The following SULF2 variants were observed in gnomAD, a reference collection of about 807,000 sequenced individuals.
SULF2 encodes sulfatase 2, also known as extracellular sulfatase Sulf-2.
A neutral mutation model predicts 107.7 loss-of-function variants in SULF2; 52 were observed. The observed-to-expected ratio is 0.48, with a 90% CI of 0.39 to 0.61. The LOEUF (loss-of-function observed/expected upper bound fraction) is 0.61. Ranked by LOEUF, SULF2 falls within the 20% of genes least tolerant of loss-of-function variation. The pLI, the probability that SULF2 is intolerant of heterozygous loss-of-function variation, is 0.00. For synonymous variants in SULF2, 460 were observed against 464.3 expected (o/e 0.99, Z 0.12); for missense variants, 993 against 1,177.3 (o/e 0.84, Z 2.29).
intron 10 of SULF2, among the ~76,000 whole-genome samples, chr20:47,672,855 T>C (rs1306662191): frequency 1.3e-5 from 2 of 152,196 alleles, no homozygotes; most frequent in South Asian, 2.1e-4. Flanking sequence ...CAGTATCCCC[T>C]GTGGGCTGCT....
intron 3 of SULF2, among the ~76,000 whole-genome samples, chr20:47,715,954 C>A (rs1168716646): frequency 6.6e-6 from 1 of 152,174 alleles, no homozygotes; most frequent in African/African-American, 2.4e-5. Flanking sequence ...TTGTTAAATT[C>A]TTGTCTTCCT....
intron 3 of SULF2, among the ~76,000 whole-genome samples, chr20:47,717,175 T>C (rs1053594085): frequency 6.6e-6 from 1 of 152,172 alleles, no homozygotes; most frequent in African/African-American, 2.4e-5. Context: ...GAAAATAGTT[T>C]TGAGTCTAGA....
At chr20:47,741,452 C>A (rs1214596165) in intron 2 of SULF2, among the ~76,000 whole-genome samples, 1 of 152,100 alleles carries the variant, frequency 6.6e-6, no homozygotes, top group Admixed American at 6.6e-5. Flanking sequence ...CTTCCCTGGC[C>A]CCCAATATTT....
At chr20:47,716,856 T>G (rs1006891175) in intron 3 of SULF2, among the ~76,000 whole-genome samples, 3 of 151,772 alleles carry the variant, frequency 2.0e-5, no homozygotes, top group Admixed American at 2.0e-4. Context: ...TAAATATATA[T>G]AAATATAGCC....
chr20:47,781,002 C>A (rs78843792), intron 1 of SULF2, among the ~76,000 whole-genome samples: 1,663 of 152,358 alleles, frequency 0.011, 41 homozygotes, highest in African/African-American at 0.037. Context: ...CCAGGACCCT[C>A]CCTAGAAGTT....
At chr20:47,784,550 C>T (rs528783032) in intron 1 of SULF2, among the ~76,000 whole-genome samples, 5 of 152,056 alleles carry the variant, frequency 3.3e-5, no homozygotes, top group South Asian at 4.2e-4. Flanking sequence ...CACCCCGAGA[C>T]GGCATCTCTC....
intron 4 of SULF2, 100 bp downstream of exon 4, chr20:47,702,419 G>GC: frequency 7.2e-7 from 1 of 1,387,626 alleles, no homozygotes; most frequent in Non-Finnish European, 9.8e-7. Context: ...ACTTTTAAGT[G>GC]CCTGAGTCAC....
chr20:47,678,922 T>C lies in SULF2; in HGVS notation c.1065-118A>G, dbSNP rs2087735804. On this transcript the variant is annotated intron_variant, in intron 7 of 20. Transcript: ENST00000688720. This position sits in a 1 kb window ranked among gnomAD's most constrained non-coding sequence, Gnocchi z 4.5. ...TGTGGGAGGCTGACATCTGCAGGTA[T>C]GGAAGCTGCAGTCTGGCACCTCAAC... is the stretch of plus-strand genomic sequence containing the variant. The C allele has an allele frequency of 1.2e-5, 10 of 847,264 alleles. No individual in the cohort carries two copies. Among genetic ancestry groups the C allele is most frequent in the African/African-American group, 9.9e-5 (6 of 60,560 alleles). The allele number at this position is 847,264 out of a possible 1,614,324, so 52.5% of individuals were successfully genotyped here.
intron 3 of SULF2, among the ~76,000 whole-genome samples, chr20:47,710,560 C>T (rs1318953315): frequency 6.6e-6 from 1 of 151,776 alleles, no homozygotes; most frequent in Non-Finnish European, 1.5e-5. Context: ...AATCACCTAA[C>T]GACACGTTTC....
At chr20:47,758,239 G>A (rs1412290808) in intron 1 of SULF2, among the ~76,000 whole-genome samples, 2 of 150,588 alleles carry the variant, frequency 1.3e-5, no homozygotes, top group African/African-American at 4.9e-5. Context: ...CGCCATCTGG[G>A]CTCACTGCGA....
chr20:47,693,160 G>A lies in SULF2; in HGVS notation c.568-2865C>T, dbSNP rs368414189. The stretch of plus-strand genomic sequence containing the variant: ...AATAATATATGTTATATAAATCAAA[G>A]AGCTGCTGCTATAGTTTTGGAACGT... On this transcript the variant is annotated intron_variant, in intron 4 of 20. Coordinates refer to ENST00000688720, the MANE Select transcript of SULF2 (RefSeq NM_001387048.1). 1.6e-3 allele frequency among the ~76,000 whole-genome samples: 238 copies of A among 152,292 alleles called. 1 individual carries two copies. The highest frequency in any genetic ancestry group is 5.4e-3 in the African/African-American group (224 of 41,544).
At chr20:47,710,129 TGACCTGA>T (rs1309712024) in intron 3 of SULF2, among the ~76,000 whole-genome samples, 4 of 152,156 alleles carry the variant, frequency 2.6e-5, no homozygotes, top group African/African-American at 9.7e-5. Context: ...CTTGAACTCC[TGACCTGA>T]GGTGATCTGC....
chr20:47,665,309 A>G lies in SULF2; in HGVS notation c.1903-16T>C, dbSNP rs2087224158. On this transcript the variant is annotated splice_polypyrimidine_tract_variant and intron_variant, in intron 13 of 20. Transcript: ENST00000688720. Reference sequence around the variant, plus strand: ...GGGTTTCAATCTGAGGGAGGGGCAGAAGAGGAGGCCTTGAAACCTTCAAGG... The same window carrying G: ...GGGTTTCAATCTGAGGGAGGGGCAGGAGAGGAGGCCTTGAAACCTTCAAGG... The G allele has an allele frequency of 6.5e-7, 1 of 1,540,886 alleles. No individual in the cohort carries two copies. The highest frequency in any genetic ancestry group is 9.0e-7 in the Non-Finnish European group (1 of 1,113,488).
intron 3 of SULF2, among the ~76,000 whole-genome samples, chr20:47,735,284 T>C (rs1470412756): frequency 6.6e-6 from 1 of 152,208 alleles, no homozygotes. Context: ...AGAGAGTCTG[T>C]GAGCCACACA....
chr20:47,723,089 C>T (rs1343801949), intron 3 of SULF2, among the ~76,000 whole-genome samples: 1 of 151,170 alleles, frequency 6.6e-6, no homozygotes, highest in African/African-American at 2.4e-5. Context: ...AAACAAAAAA[C>T]GAAAATTAGC....
chr20:47,695,804 G>T (rs889870961), intron 4 of SULF2, among the ~76,000 whole-genome samples: 3 of 152,246 alleles, frequency 2.0e-5, no homozygotes, highest in Admixed American at 2.0e-4. Flanking sequence ...GTAGAGATGG[G>T]GTTTCCCCAT....
intron 2 of SULF2, among the ~76,000 whole-genome samples, chr20:47,741,903 C>T (rs997309777): frequency 6.6e-6 from 1 of 152,214 alleles, no homozygotes; most frequent in African/African-American, 2.4e-5. Flanking sequence ...GCCTCCAGAA[C>T]CATTTCTTGT....
At chr20:47,730,167 C>A (rs1313941509) in intron 3 of SULF2, among the ~76,000 whole-genome samples, 13 of 152,182 alleles carry the variant, frequency 8.5e-5, no homozygotes, top group Admixed American at 3.9e-4. Context: ...GCGCTCAGGG[C>A]CAAACCCCAA....
intron 2 of SULF2, among the ~76,000 whole-genome samples, chr20:47,745,400 AAAAAAAAAAAATATATATATATATAT>A (rs2089996372): frequency 9.8e-5 from 3 of 30,556 alleles, no homozygotes; most frequent in African/African-American, 3.3e-4. Flanking sequence ...AAAAAAAAAA[AAAAAAAAAAAATATATATATATATAT>A]ATATATATAT....
Sources: gnomAD v4.1 joint callset for allele counts (sites outside exome capture counted in the v4.1 genomes callset) on GRCh38, gnomAD v4.1.1 for gene constraint, Gnocchi (gnomAD v3.1) non-coding constraint, MANE v1.5 for transcripts, NCBI Gene and HGNC (gene_info 2026-07-23, HGNC 2026-07-21) for gene names.